The following NRG1 variants were observed in gnomAD, a reference collection of about 807,000 sequenced individuals.
The protein encoded by NRG1 is pro-neuregulin-1, membrane-bound isoform.
In NRG1, 18 loss-of-function variants were observed where a neutral mutation model predicts 63.8. The ratio of observed to expected loss-of-function variants is 0.28; its 90% CI spans 0.19 to 0.42. The LOEUF (loss-of-function observed/expected upper bound fraction) is 0.42, where lower values mean the gene tolerates loss of function less well. NRG1 is among the 10% of genes least tolerant of loss of function. The pLI, the probability that NRG1 is intolerant of heterozygous loss-of-function variation, is 1.00. For missense variants in NRG1, 762 were observed against 814.7 expected (o/e 0.94, Z 0.79); for synonymous variants, 302 against 301.3 (o/e 1.00, Z -0.02).
intron 1 of NRG1, among the ~76,000 whole-genome samples, chr8:32,178,582 C>T (rs903160609): frequency 1.3e-5 from 2 of 152,074 alleles, no homozygotes; most frequent in Non-Finnish European, 2.9e-5. Flanking sequence ...TGCACTGCAG[C>T]CTAGGTGATA....
intron 1 of NRG1, among the ~76,000 whole-genome samples, chr8:31,710,090 A>G (rs2131247105): frequency 6.6e-6 from 1 of 151,900 alleles, no homozygotes; most frequent in East Asian, 1.9e-4. Flanking sequence ...ATAGCTCATG[A>G]ATTCAGGTAT....
intron 1 of NRG1, among the ~76,000 whole-genome samples, chr8:32,059,048 A>G (rs1586802672): frequency 6.6e-6 from 1 of 152,234 alleles, no homozygotes; most frequent in East Asian, 1.9e-4. Context: ...TGTTAGGTAA[A>G]AAGTATGTTA....
At chr8:32,702,822 T>C (rs1238585565) in intron 5 of NRG1, among the ~76,000 whole-genome samples, 1 of 152,142 alleles carries the variant, frequency 6.6e-6, no homozygotes, top group African/African-American at 2.4e-5. Flanking sequence ...TTCTTAAAAC[T>C]TGAGGAAGGG....
chr8:32,357,798 A>T (rs947510969), intron 1 of NRG1, among the ~76,000 whole-genome samples: 33 of 152,228 alleles, frequency 2.2e-4, no homozygotes, highest in African/African-American at 7.2e-4. Flanking sequence ...AATTTATAAG[A>T]CACTGTCTTT....
At position 32,577,701 on chromosome 8, in the gene NRG1, C is replaced by CTT. The variant is rs35395739; in HGVS notation, c.101-18117_101-18116dup. On this transcript the variant is annotated intron_variant, in intron 1 of 11. Transcript: ENST00000356819. ...ATCGTTGTACCCTTAAACCTTAACA[C>CTT]TTTTTTTTTTTGTTTTTCGAGACCT... is the stretch of plus-strand genomic sequence containing the variant. Among the ~76,000 whole-genome samples, 36 of 148,156 alleles carry CTT rather than the reference C, an allele frequency of 2.4e-4. 1 individual carries two copies. Among genetic ancestry groups the CTT allele is most frequent in the Admixed American group, 1.4e-3 (21 of 14,928 alleles).
At chr8:32,727,041 G>A (rs550079790) in intron 5 of NRG1, among the ~76,000 whole-genome samples, 1 of 152,150 alleles carries the variant, frequency 6.6e-6, no homozygotes, top group Admixed American at 6.5e-5. Context: ...GGTTGGGACT[G>A]AGTATTGCCC....
chr8:31,913,547 G>A lies in NRG1; in HGVS notation c.37+274116G>A, dbSNP rs572240028. Among the ~76,000 whole-genome samples, 6 of 152,190 alleles carry A rather than the reference G, an allele frequency of 3.9e-5. No homozygotes were observed. In the East Asian group the frequency reaches 1.2e-3, roughly 29 times the overall value. On this transcript the variant is annotated intron_variant, in intron 1 of 10. Transcript: ENST00000519301. Reference sequence around the variant, plus strand: ...ATATCTAGTGATTGTCAGATACTGAGTTATCCAGGGTTAAACAGAAGTTAC... The same window carrying A: ...ATATCTAGTGATTGTCAGATACTGAATTATCCAGGGTTAAACAGAAGTTAC...
chr8:32,358,074 A>G (rs1457847029), intron 1 of NRG1, among the ~76,000 whole-genome samples: 1 of 152,170 alleles, frequency 6.6e-6, no homozygotes, highest in Non-Finnish European at 1.5e-5. Flanking sequence ...TCCAGGAAGG[A>G]TGCTCAAGTG....
At chr8:32,380,790 T>C (rs144620942) in intron 1 of NRG1, among the ~76,000 whole-genome samples, 2 of 152,330 alleles carry the variant, frequency 1.3e-5, no homozygotes, top group Non-Finnish European at 2.9e-5. Context: ...TAATGCATAA[T>C]AAATGTCCAT....
chr8:32,686,247 G>A (rs1450268622), intron 5 of NRG1, among the ~76,000 whole-genome samples: 1 of 151,930 alleles, frequency 6.6e-6, no homozygotes, highest in Non-Finnish European at 1.5e-5. Context: ...AAAAACTCTA[G>A]GATTCCAAAT....
chr8:32,239,162 T>A (rs559474208), intron 1 of NRG1, among the ~76,000 whole-genome samples: 1 of 152,216 alleles, frequency 6.6e-6, no homozygotes, highest in East Asian at 1.9e-4. Flanking sequence ...TTTATTTTTT[T>A]TTAAAAAGCT....
At chr8:31,819,707 TAA>T (rs1328621473) in intron 1 of NRG1, among the ~76,000 whole-genome samples, 1 of 152,152 alleles carries the variant, frequency 6.6e-6, no homozygotes, top group African/African-American at 2.4e-5. Flanking sequence ...TAATAGTCCT[TAA>T]AACAACAAAT....
intron 1 of NRG1, among the ~76,000 whole-genome samples, chr8:32,144,626 G>C (rs1214402255): frequency 2.6e-5 from 4 of 152,072 alleles, no homozygotes; most frequent in African/African-American, 7.2e-5. Context: ...ATTGACTCAG[G>C]CTGGTACCAT....
At chr8:32,153,850 C>T (rs542436708) in intron 1 of NRG1, among the ~76,000 whole-genome samples, 1 of 152,192 alleles carries the variant, frequency 6.6e-6, no homozygotes, top group East Asian at 1.9e-4. Context: ...ACCAAAAAAC[C>T]ATTGGTGGTC....
intron 1 of NRG1, among the ~76,000 whole-genome samples, chr8:31,865,606 T>C (rs1387910829): frequency 6.6e-6 from 1 of 152,120 alleles, no homozygotes; most frequent in East Asian, 1.9e-4. Context: ...TGATGGTTTT[T>C]TATAACAGGG....
chr8:32,657,118 T>C (rs1801681882), intron 5 of NRG1, among the ~76,000 whole-genome samples: 1 of 151,862 alleles, frequency 6.6e-6, no homozygotes, highest in South Asian at 2.1e-4. Flanking sequence ...CATATATGCA[T>C]ATGCATTTGG....
intron 1 of NRG1, among the ~76,000 whole-genome samples, chr8:32,283,319 C>T (rs895900967): frequency 6.6e-6 from 1 of 152,074 alleles, no homozygotes; most frequent in Admixed American, 6.6e-5. Flanking sequence ...ATTTTTTCTA[C>T]TGAGATTTAT....
chr8:32,634,120 G>GAAAAAAAAAAAAAAAAAAAAAAAAA (rs1563814503), intron 5 of NRG1, among the ~76,000 whole-genome samples: 1 of 97,726 alleles, frequency 1.0e-5, no homozygotes, highest in African/African-American at 5.5e-5. Flanking sequence ...AAAAAAAAAG[G>GAAAAAAAAAAAAAAAAAAAAAAAAA]TTGCATAAAG....
chr8:32,490,179 C>A (rs1587942476), intron 1 of NRG1, among the ~76,000 whole-genome samples: 1 of 152,064 alleles, frequency 6.6e-6, no homozygotes, highest in East Asian at 1.9e-4. Context: ...GTGGTGTATG[C>A]CTGTAGTTCT....
Sources: gnomAD v4.1 joint callset for allele counts (sites outside exome capture counted in the v4.1 genomes callset) on GRCh38, gnomAD v4.1.1 for gene constraint, MANE v1.5 for transcripts, NCBI Gene and HGNC (gene_info 2026-07-23, HGNC 2026-07-21) for gene names.